NFKBIE: variants seen among roughly 807,000 people sequenced by gnomAD.
The protein encoded by NFKBIE is NF-kappa-B inhibitor epsilon.
A neutral mutation model predicts 31.6 loss-of-function variants in NFKBIE; 11 were observed. The ratio of observed to expected loss-of-function variants is 0.35; its 90% CI spans 0.22 to 0.58. NFKBIE has a LOEUF of 0.58. NFKBIE is among the 20% of genes least tolerant of loss of function. NFKBIE has a pLI of 0.83. For synonymous variants in NFKBIE, 208 were observed against 210.1 expected, an observed-to-expected ratio of 0.99 and a Z score of 0.09; for missense variants, 354 against 465.7, an observed-to-expected ratio of 0.76 and a Z score of 2.21.
intron 5 of NFKBIE, 39 bp from the exon 6 acceptor site, chr6:44,259,323 T>C: frequency 6.5e-7 from 1 of 1,527,654 alleles, no homozygotes; most frequent in Non-Finnish European, 9.1e-7. Flanking sequence ...TCAGAGGACA[T>C]GGGAAAAGGT....
chr6:44,265,086 G>A lies in NFKBIE; in HGVS notation c.261C>T (p.Gly87=), dbSNP rs754095859. 152 of 1,559,578 alleles carry A rather than the reference G, an allele frequency of 9.7e-5. No individual in the cohort carries two copies. Among genetic ancestry groups the A allele is most frequent in the Non-Finnish European group, 1.3e-4 (145 of 1,150,638 alleles). Residue 87 remains glycine (G), a synonymous_variant, in exon 1 of 6, where the codon GGC becomes GGT. Coordinates refer to ENST00000619360, the MANE Select transcript of NFKBIE (RefSeq NM_004556.3). ...SLTYTLSLLG[G]PEAEDPAPRL... is the part of the protein sequence containing the mutation. ...GTGGGGCCGGGTCCTCAGCCTCGGG[G>A]CCCCCCAGCAAGGACAGGGTGTAGG... is the stretch of plus-strand genomic sequence containing the variant.
At position 44,259,088 on chromosome 6, in the gene NFKBIE, C is replaced by T. The variant is rs969607727; in HGVS notation, c.*131G>A. The T allele has an allele frequency of 3.3e-5, 30 of 898,018 alleles. No individual in the cohort carries two copies. Among genetic ancestry groups the T allele is most frequent in the African/African-American group, 1.5e-4 (9 of 60,620 alleles). The allele number at this position is 898,018 out of a possible 1,614,324, so 55.6% of individuals were successfully genotyped here. On this transcript the variant is annotated 3_prime_UTR_variant, in exon 6 of 6. Transcript: ENST00000619360. ...CTCGGCTCAGGACTGTACTGGCTGG[C>T]CCCAGGCTCTGGCCACAGCAGTCCC...
At chr6:44,259,436 A>T in intron 5 of NFKBIE, 152 bp from the exon 6 acceptor site, 1 of 630,834 alleles carries the variant, frequency 1.6e-6, no homozygotes, top group Non-Finnish European at 2.9e-6. Context: ...AATCCTCAAA[A>T]TAGTGGCCCC....
rs899667974 is a variant in NFKBIE, at chr6:44,260,816, C to T, written c.692-277G>A. 1.3e-5 allele frequency among the ~76,000 whole-genome samples: 2 copies of T among 148,216 alleles called. No homozygotes were observed. Among genetic ancestry groups the T allele is most frequent in the Admixed American group, 6.8e-5 (1 of 14,604 alleles). The stretch of plus-strand genomic sequence containing the variant: ...CCCCAAAGAACACCCTCCTCCTATA[C>T]ACAAACTACAACACACACACACACA... On this transcript the variant is annotated intron_variant, in intron 3 of 5. Transcript: ENST00000619360. This position sits in a 1 kb window ranked among gnomAD's most constrained non-coding sequence, Gnocchi z 5.5.
In NFKBIE at chr6:44,263,338, T is replaced by TAGGGGTAATGGGGGCAGTTGGG. The variant is rs1170308103; in HGVS notation, c.366-698_366-677dup. Among the ~76,000 whole-genome samples, 4 of 151,540 alleles carry TAGGGGTAATGGGGGCAGTTGGG rather than the reference T, an allele frequency of 2.6e-5. No individual in the cohort carries two copies. The East Asian group carries it at 7.8e-4, about 29-fold the overall frequency. On this transcript the variant is annotated intron_variant, in intron 1 of 5. Transcript: ENST00000619360. This position sits in a 1 kb window ranked among gnomAD's most constrained non-coding sequence, Gnocchi z 5.0. ...GTTGAGGGGGCCAAGAACCTTAATC[T>TAGGGGTAATGGGGGCAGTTGGG]AGGGGTAATGGGGGCAGTTGGGAGG...
chr6:44,258,301 A>C lies in NFKBIE; in HGVS notation c.*918T>G, dbSNP rs561990669. ...CTTCATGCCAGCATAGGGGTGACCT[A>C]GCAGGGCCCTCGAAGGTGAGGAACG... On this transcript the variant is annotated 3_prime_UTR_variant, in exon 6 of 6. Transcript: ENST00000619360. 1 of 152,320 alleles carries C rather than the reference A, an allele frequency of 6.6e-6. No individual in the cohort carries two copies. The highest frequency in any genetic ancestry group is 1.5e-5 in the Non-Finnish European group (1 of 68,110). 9.4% of individuals were successfully genotyped at this position (152,320 alleles called of 1,614,324 possible). A position where few individuals can be genotyped will look rare whatever the true frequency, so the allele number is the denominator to read the frequency against.
chr6:44,265,527 T>G lies in NFKBIE; in HGVS notation c.-181A>C. On this transcript the variant is annotated 5_prime_UTR_variant, in exon 1 of 6. Coordinates refer to ENST00000619360, the MANE Select transcript of NFKBIE (RefSeq NM_004556.3). ...GCAGCGAGGACAAGGTTCGGAGCGC[T>G]GGCCAGGTCCACCCAGCGGTTACTG... 1 of 1,567,046 alleles carries G rather than the reference T, an allele frequency of 6.4e-7. No individual in the cohort carries two copies. The highest frequency in any genetic ancestry group is 8.6e-7 in the Non-Finnish European group (1 of 1,158,110).
chr6:44,264,497 C>T (rs1782042209), intron 1 of NFKBIE, among the ~76,000 whole-genome samples: 1 of 152,196 alleles, frequency 6.6e-6, no homozygotes, highest in South Asian at 2.1e-4. Flanking sequence ...CTGGCTCACC[C>T]CATCCTCCTG....
intron 5 of NFKBIE, 72 bp from the exon 6 acceptor site, chr6:44,259,356 G>T: frequency 8.5e-7 from 1 of 1,176,044 alleles, no homozygotes. Context: ...GGGACCCAGG[G>T]AAACCTGTTG....
In NFKBIE at chr6:44,261,556, G is replaced by C. The variant is rs1781921489; in HGVS notation, c.691+70C>G. The C allele has an allele frequency of 2.2e-5, 34 of 1,524,636 alleles. No individual in the cohort carries two copies. The highest frequency in any genetic ancestry group is 2.8e-5 in the Non-Finnish European group (31 of 1,109,772). The allele number at this position is 1,524,636 out of a possible 1,614,324, so 94.4% of individuals were successfully genotyped here. On this transcript the variant is annotated intron_variant, in intron 3 of 5. Coordinates refer to ENST00000619360, the MANE Select transcript of NFKBIE (RefSeq NM_004556.3). This position sits in a 1 kb window ranked among gnomAD's most constrained non-coding sequence, Gnocchi z 4.3. ...AGCTGGGACCCTCCCTTCCCCAAGAGTGAGGTCCCTATCTCCTATGCCCTC... is the reference window on the plus strand; with the variant it reads ...AGCTGGGACCCTCCCTTCCCCAAGACTGAGGTCCCTATCTCCTATGCCCTC...
chr6:44,263,715 T>A lies in NFKBIE; in HGVS notation c.366-1053A>T, dbSNP rs1782010370. On this transcript the variant is annotated intron_variant, in intron 1 of 5. Coordinates refer to ENST00000619360, the MANE Select transcript of NFKBIE (RefSeq NM_004556.3). This position sits in a 1 kb window ranked among gnomAD's most constrained non-coding sequence, Gnocchi z 5.0. ...CCATACCTCCCACAGCCCAGACACC[T>A]CCAACAGAGGGAGGAAAGTGCCCCC... is the stretch of plus-strand genomic sequence containing the variant. Among the ~76,000 whole-genome samples, 1 of 151,436 alleles carries A rather than the reference T, an allele frequency of 6.6e-6. No homozygotes were observed. Among genetic ancestry groups the A allele is most frequent in the South Asian group, 2.1e-4 (1 of 4,790 alleles).
In NFKBIE at chr6:44,263,769, G is replaced by A. The variant is rs1782012796; in HGVS notation, c.366-1107C>T. On this transcript the variant is annotated intron_variant, in intron 1 of 5. Coordinates refer to ENST00000619360, the MANE Select transcript of NFKBIE (RefSeq NM_004556.3). This position sits in a 1 kb window ranked among gnomAD's most constrained non-coding sequence, Gnocchi z 5.0. ...TCTCTGGGGACTCGCTGGGGAGCCC[G>A]GACATTTCTCCCCTCCACACACACA... 6.6e-6 allele frequency among the ~76,000 whole-genome samples: 1 copy of A among 152,028 alleles called. No homozygotes were observed. Among genetic ancestry groups the A allele is most frequent in the African/African-American group, 2.4e-5 (1 of 41,372 alleles).
At chr6:44,262,408 G>A in intron 2 of NFKBIE, 152 bp downstream of exon 2, 1 of 640,960 alleles carries the variant, frequency 1.6e-6, no homozygotes, top group Non-Finnish European at 2.8e-6. Context: ...CAGGACAGAG[G>A]CCATGTCTTA....
At position 44,260,770 on chromosome 6, in the gene NFKBIE, G is replaced by A. The variant is rs548980738; in HGVS notation, c.692-231C>T. On this transcript the variant is annotated intron_variant, in intron 3 of 5. Coordinates refer to ENST00000619360, the MANE Select transcript of NFKBIE (RefSeq NM_004556.3). This position sits in a 1 kb window ranked among gnomAD's most constrained non-coding sequence, Gnocchi z 5.5. ...GTTATTGAAACTTTCATGCTTCAGG[G>A]GTCAGGCTGCTGAGTGACACCCCCA... 3.3e-5 allele frequency among the ~76,000 whole-genome samples: 5 copies of A among 151,280 alleles called. No homozygotes were observed. Among genetic ancestry groups the A allele is most frequent in the African/African-American group, 9.7e-5 (4 of 41,226 alleles).
Position 44,262,678 on chromosome 6 carries a change from C to T in NFKBIE, c.366-16G>A, listed in dbSNP as rs375213575. On this transcript the variant is annotated splice_polypyrimidine_tract_variant and intron_variant, in intron 1 of 5. Transcript: ENST00000619360. ...GTGGACCAGCCTAGGGGAGCAGAGG[C>T]GGGGCTTAGAGTTAAGGGCCCAGGC... 4.4e-5 allele frequency: 71 copies of T among 1,609,574 alleles called. 2 individuals are homozygous for T. The South Asian group carries it at 6.2e-4, about 14-fold the overall frequency.
rs774938477 is a variant in NFKBIE, at chr6:44,265,192, G to A, written c.155C>T (p.Pro52Leu). The A allele has an allele frequency of 2.3e-5, 35 of 1,551,692 alleles. No homozygotes were observed. In the South Asian group the frequency reaches 3.7e-4, roughly 16 times the overall value. ...DGSPQPCTHP[P>L]GPVKEPQEKE... ...CTCCTGTGGTTCCTTGACGGGTCCC[G>A]GAGGATGGGTGCAGGGCTGGGGGCT... Residue 52 changes from proline to leucine, a missense_variant, in exon 1 of 6, where the codon CCG (proline) becomes CTG (leucine). This residue lies in a region of NFKBIE where 171 missense variants were observed against 155.1 expected (regional missense o/e 1.10). Coordinates refer to ENST00000619360, the MANE Select transcript of NFKBIE (RefSeq NM_004556.3).
In NFKBIE at chr6:44,260,131, A is replaced by G. The variant is rs115968920; in HGVS notation, c.932T>C (p.Met311Thr). The part of the protein sequence containing the change: ...PLHLAAGRGL[M>T]GISSTLCKAG... Reference sequence around the variant, plus strand: ...CTTGCACAGAGTGGATGAGATGCCCATGAGACCCCGGCCAGCTGCCAGGTG... The same window carrying G: ...CTTGCACAGAGTGGATGAGATGCCCGTGAGACCCCGGCCAGCTGCCAGGTG... Residue 311 changes from methionine (M) to threonine (T), a missense_variant, in exon 5 of 6, where the codon ATG (methionine) becomes ACG (threonine). By Grantham distance (81) the Met-to-Thr change is moderately conservative. This residue lies in a region of NFKBIE where 183 missense variants were observed against 310.6 expected (regional missense o/e 0.59). Transcript: ENST00000619360. This position sits in a 1 kb window ranked among gnomAD's most constrained non-coding sequence, Gnocchi z 5.5. The G allele has an allele frequency of 4.3e-6, 7 of 1,614,240 alleles. No homozygotes were observed. The East Asian group carries it at 1.1e-4, about 26-fold the overall frequency.
At position 44,258,275 on chromosome 6, in the gene NFKBIE, T is replaced by G. The variant is rs1204998888; in HGVS notation, c.*944A>C. On this transcript the variant is annotated 3_prime_UTR_variant, in exon 6 of 6. Transcript: ENST00000619360. ...ACTGTGCTGGTTTATTGCCCCATGC[T>G]CTTCATGCCAGCATAGGGGTGACCT... 1 of 152,234 alleles carries G rather than the reference T, an allele frequency of 6.6e-6. No homozygotes were observed. Among genetic ancestry groups the G allele is most frequent in the African/African-American group, 2.4e-5 (1 of 41,444 alleles). 9.4% of individuals were successfully genotyped at this position (152,234 alleles called of 1,614,324 possible).
At position 44,260,659 on chromosome 6, in the gene NFKBIE, C is replaced by G; in HGVS notation, c.692-120G>C. ...TCACAGCCCACTCAATGTCTCTAAT[C>G]ACAAGACTGTTAAAATGCAAACCCC... On this transcript the variant is annotated intron_variant, in intron 3 of 5. Transcript: ENST00000619360. The surrounding 1 kb of genome is among the most constrained non-coding windows in gnomAD (Gnocchi z 5.5). 2 of 919,412 alleles carry G rather than the reference C, an allele frequency of 2.2e-6. No homozygotes were observed. Among genetic ancestry groups the G allele is most frequent in the Admixed American group, 2.0e-5 (1 of 50,228 alleles). The allele number at this position is 919,412 out of a possible 1,614,324, so 57.0% of individuals were successfully genotyped here.
Sources: gnomAD v4.1 joint callset for allele counts (sites outside exome capture counted in the v4.1 genomes callset) on GRCh38, gnomAD v4.1.1 for gene constraint, gnomAD v4.1.1 regional missense constraint, Gnocchi (gnomAD v3.1) non-coding constraint, MANE v1.5 for transcripts, NCBI Gene and HGNC (gene_info 2026-07-23, HGNC 2026-07-21) for gene names.